ATP10B: variants seen among roughly 807,000 people sequenced by gnomAD.
ATP10B encodes the protein phospholipid-transporting ATPase VB.
A neutral mutation model predicts 141.2 loss-of-function variants in ATP10B; 122 were observed. The ratio of observed to expected loss-of-function variants is 0.86; its 90% CI spans 0.75 to 1.00. The LOEUF (loss-of-function observed/expected upper bound fraction) is 1.00, where lower values mean the gene tolerates loss of function less well. Ranked by LOEUF, ATP10B falls within the 50% of genes least tolerant of loss-of-function variation. The probability of loss-of-function intolerance (pLI) is 0.00; values close to 1 mark genes in which losing one functional copy is unlikely to be tolerated. For missense variants in ATP10B, 1,876 were observed against 1,825.3 expected (o/e 1.03, Z -0.51); for synonymous variants, 685 against 692.0 (o/e 0.99, Z 0.16).
At chr5:160,839,302 C>G (rs1412844084) in intron 1 of ATP10B, among the ~76,000 whole-genome samples, 1 of 152,016 alleles carries the variant, frequency 6.6e-6, no homozygotes, top group African/African-American at 2.4e-5. Flanking sequence ...GAAGAAAGTT[C>G]AGTTGCTGGA....
intron 2 of ATP10B, among the ~76,000 whole-genome samples, chr5:160,732,773 T>G (rs1294654766): frequency 6.6e-6 from 1 of 152,216 alleles, no homozygotes; most frequent in Non-Finnish European, 1.5e-5. Flanking sequence ...TTTCTTTGGC[T>G]ACTTGGGGCC....
chr5:160,614,414 CTG>C (rs1036373609), intron 17 of ATP10B: 1 of 152,186 alleles, frequency 6.6e-6, no homozygotes. Flanking sequence ...CTCTCACAGA[CTG>C]AGCCTAGAGT....
chr5:160,792,859 A>G (rs1024713573), intron 1 of ATP10B, among the ~76,000 whole-genome samples: 72 of 152,262 alleles, frequency 4.7e-4, no homozygotes, highest in African/African-American at 1.6e-3. Flanking sequence ...CTTTTCCAGG[A>G]GGGTGACGTT....
intron 1 of ATP10B, among the ~76,000 whole-genome samples, chr5:160,819,479 T>C (rs938215073): frequency 2.0e-5 from 3 of 151,996 alleles, no homozygotes; most frequent in African/African-American, 7.2e-5. Flanking sequence ...TAAGAAATCA[T>C]CCGAAGGTCC....
the ATP10B span, among the ~76,000 whole-genome samples, chr5:160,904,534 A>G: frequency 6.6e-6 from 1 of 152,180 alleles, no homozygotes; most frequent in Non-Finnish European, 1.5e-5. Context: ...CCTACAATGT[A>G]TATTTCAGCT....
At chr5:160,905,730 A>T in the ATP10B span, among the ~76,000 whole-genome samples, 4 of 27,168 alleles carry the variant, frequency 1.5e-4, no homozygotes, top group African/African-American at 8.6e-4. Context: ...ATAATGTGTT[A>T]AAAAAAAATA....
At chr5:160,815,189 G>A (rs192396826) in intron 1 of ATP10B, among the ~76,000 whole-genome samples, 1 of 152,242 alleles carries the variant, frequency 6.6e-6, no homozygotes, top group African/African-American at 2.4e-5. Flanking sequence ...GACACAGACT[G>A]GCAAATTGGA....
intron 24 of ATP10B, among the ~76,000 whole-genome samples, chr5:160,570,584 C>T (rs1937414599): frequency 6.6e-6 from 1 of 152,198 alleles, no homozygotes; most frequent in Admixed American, 6.5e-5. Context: ...ACTCTCTTTA[C>T]ATCCCTCCTG....
intron 21 of ATP10B, among the ~76,000 whole-genome samples, chr5:160,600,469 G>A (rs1757040576): frequency 6.6e-6 from 1 of 152,194 alleles, no homozygotes; most frequent in Non-Finnish European, 1.5e-5. Context: ...GAGACCTGAT[G>A]TAGACAGCCT....
chr5:160,570,348 C>T (rs1425918784), intron 24 of ATP10B, among the ~76,000 whole-genome samples: 2 of 152,054 alleles, frequency 1.3e-5, no homozygotes, highest in Non-Finnish European at 2.9e-5. Flanking sequence ...ACACAATCGG[C>T]TAATGTTAAC....
the ATP10B span, among the ~76,000 whole-genome samples, chr5:160,905,430 A>T: frequency 6.6e-6 from 1 of 152,224 alleles, no homozygotes; most frequent in Admixed American, 6.5e-5. Context: ...TTCCTCAGGT[A>T]TAAGATAAGA....
At chr5:160,841,926 T>C (rs1053109462) in intron 1 of ATP10B, among the ~76,000 whole-genome samples, 1 of 152,146 alleles carries the variant, frequency 6.6e-6, no homozygotes, top group African/African-American at 2.4e-5. Flanking sequence ...GGTTTCACCA[T>C]GTTGGCCAAG....
intron 2 of ATP10B, among the ~76,000 whole-genome samples, chr5:160,779,430 C>T (rs1770572573): frequency 6.6e-6 from 1 of 152,178 alleles, no homozygotes; most frequent in African/African-American, 2.4e-5. Context: ...CTAACCACCT[C>T]TCTTACTCTT....
chr5:160,613,970 G>A (rs1451741656), intron 17 of ATP10B: 1 of 151,908 alleles, frequency 6.6e-6, no homozygotes, highest in East Asian at 1.9e-4. Context: ...TACGTTGGAT[G>A]CATATTGAAA....
At chr5:160,741,155 G>GC (rs1458700173) in intron 2 of ATP10B, among the ~76,000 whole-genome samples, 4 of 152,284 alleles carry the variant, frequency 2.6e-5, no homozygotes. Context: ...TATGAACTGT[G>GC]CATAGAGTAA....
chr5:160,849,996 G>A (rs905458343), intron 1 of ATP10B, among the ~76,000 whole-genome samples: 1 of 152,154 alleles, frequency 6.6e-6, no homozygotes, highest in Non-Finnish European at 1.5e-5. Context: ...AGGAGAGTGG[G>A]TAAATGGGTA....
chr5:160,649,987 T>C (rs922732386), intron 7 of ATP10B, among the ~76,000 whole-genome samples: 2 of 151,998 alleles, frequency 1.3e-5, no homozygotes, highest in Non-Finnish European at 2.9e-5. Flanking sequence ...TGTGTGCCTC[T>C]AATCTCAGCT....
At chr5:160,888,457 C>G in the ATP10B span, among the ~76,000 whole-genome samples, 1 of 152,196 alleles carries the variant, frequency 6.6e-6, no homozygotes, top group Non-Finnish European at 1.5e-5. Flanking sequence ...GGCGGCTTCT[C>G]TAAATGTTCC....
chr5:160,705,419 G>A (rs1764951406), intron 3 of ATP10B, among the ~76,000 whole-genome samples: 1 of 151,998 alleles, frequency 6.6e-6, no homozygotes, highest in Admixed American at 6.5e-5. Flanking sequence ...GTAGAGATGG[G>A]GGTCTCACCA....
Sources: allele counts gnomAD v4.1 joint callset (sites outside exome capture counted in the v4.1 genomes callset), GRCh38; gene constraint gnomAD v4.1.1; transcripts MANE v1.5; gene names NCBI Gene and HGNC (gene_info 2026-07-23, HGNC 2026-07-21).